TRIM13: variants seen among roughly 807,000 people sequenced by gnomAD.
TRIM13 encodes tripartite motif containing 13.
A neutral mutation model predicts 27.1 loss-of-function variants in TRIM13; 15 were observed. The ratio of observed to expected loss-of-function variants is 0.55; its 90% CI spans 0.37 to 0.85. TRIM13 has a LOEUF of 0.85. Ranked by LOEUF, TRIM13 falls within the 40% of genes least tolerant of loss-of-function variation. The pLI is 0.00. For missense variants in TRIM13, 402 were observed against 472.2 expected (o/e 0.85, Z 1.38); for synonymous variants, 193 against 171.5 (o/e 1.13, Z -0.98).
intron 1 of TRIM13, among the ~76,000 whole-genome samples, chr13:50,003,899 G>T (rs575406126): frequency 1.2e-4 from 19 of 152,226 alleles, no homozygotes; most frequent in Admixed American, 1.1e-3. Context: ...ACTTTTTTCC[G>T]CAACTAGTGT....
chr13:50,005,740 G>GTT (rs372855203), intron 1 of TRIM13, among the ~76,000 whole-genome samples: 27 of 137,892 alleles, frequency 2.0e-4, no homozygotes, highest in Non-Finnish European at 3.0e-4. Context: ...GAAATATTTA[G>GTT]TTTTTTTTTT....
At chr13:50,001,881 A>G (rs1392854239) in intron 1 of TRIM13, among the ~76,000 whole-genome samples, 1 of 152,198 alleles carries the variant, frequency 6.6e-6, no homozygotes, top group African/African-American at 2.4e-5. Context: ...AAGAATGAAG[A>G]GTAATAACAC....
rs1267312616 is a variant in TRIM13 at position 49,997,458 on chromosome 13, CGCGCCGCCAGCGTTTGGTTGCATG to C, written c.-305_-282del. ...GACGGGTGTGGGCCTTAGGTTACAG[CGCGCCGCCAGCGTTTGGTTGCATG>C]GCGCCGGGGGAGGGCGCCCTAACCG... On this transcript the variant is annotated 5_prime_UTR_variant, in exon 1 of 2. It removes an upstream start codon present in the reference 5' UTR. Coordinates refer to ENST00000378182, the MANE Select transcript of TRIM13 (RefSeq NM_213590.3). 1 of 152,178 alleles carries C rather than the reference CGCGCCGCCAGCGTTTGGTTGCATG, an allele frequency of 6.6e-6. No individual in the cohort carries two copies. Among genetic ancestry groups the C allele is most frequent in the African/African-American group, 2.4e-5 (1 of 41,410 alleles). 9.4% of individuals were successfully genotyped at this position (152,178 alleles called of 1,614,324 possible). A position where few individuals can be genotyped will look rare whatever the true frequency, so the allele number is the denominator to read the frequency against.
Position 50,016,110 on chromosome 13 carries a change from TTG to T in TRIM13, c.*2949_*2950del. On this transcript the variant is annotated 3_prime_UTR_variant, in exon 2 of 2. Transcript: ENST00000378182. ...TGCAGTATTTCTCTTGTATACCAGT[TTG>T]TGATGTTTTCTCTAAAAACTTGAAG... The T allele has an allele frequency of 6.9e-7, 1 of 1,442,142 alleles. No individual in the cohort carries two copies. The highest frequency in any genetic ancestry group is 1.4e-5 in the African/African-American group (1 of 70,968). The allele number at this position is 1,442,142 out of a possible 1,614,324, so 89.3% of individuals were successfully genotyped here.
At chr13:50,009,736 C>CAAAAAAAAAAA (rs35561642) in intron 1 of TRIM13, among the ~76,000 whole-genome samples, 3 of 101,196 alleles carry the variant, frequency 3.0e-5, no homozygotes, top group Non-Finnish European at 3.7e-5. Context: ...GACTCCGTCT[C>CAAAAAAAAAAA]AAAAAAAAAA....
rs1278063599 is a variant in TRIM13 at position 50,015,221 on chromosome 13, T to A, written c.*2057T>A. The A allele has an allele frequency of 4.2e-6, 1 of 239,334 alleles. No individual in the cohort carries two copies. The highest frequency in any genetic ancestry group is 8.5e-6 in the Non-Finnish European group (1 of 118,046). The allele number at this position is 239,334 out of a possible 1,614,324, so 14.8% of individuals were successfully genotyped here. ...AAAGGGATCTATTTGATGTCTATCT[T>A]CAGATATATTGGCAGTTTTCCTTAA... On this transcript the variant is annotated 3_prime_UTR_variant, in exon 2 of 2. Transcript: ENST00000378182.
In TRIM13 at chr13:50,016,268, T is replaced by C. The variant is rs1219819569; in HGVS notation, c.*3104T>C. The stretch of plus-strand genomic sequence containing the variant: ...ATACTTTTTAGAGTGAAAGGGGCTA[T>C]TATTAGGTGGGACAAAAGGAATAAA... On this transcript the variant is annotated 3_prime_UTR_variant, in exon 2 of 2. Transcript: ENST00000378182. The C allele has an allele frequency of 9.3e-6, 5 of 540,424 alleles. No homozygotes were observed. Among genetic ancestry groups the C allele is most frequent in the Admixed American group, 3.4e-5 (1 of 29,146 alleles). 33.5% of individuals were successfully genotyped at this position (540,424 alleles called of 1,614,324 possible).
In TRIM13 at chr13:50,016,863, C is replaced by CT. The variant is rs34862097; in HGVS notation, c.*3715dup. ...CTTTATTGGTATCATTTAAAATATA[C>CT]TTTTTTTTTTTTTTTTGGTAAAGGT... On this transcript the variant is annotated 3_prime_UTR_variant, in exon 2 of 2. Coordinates refer to ENST00000378182, the MANE Select transcript of TRIM13 (RefSeq NM_213590.3). The CT allele has an allele frequency of 4.5e-4, 67 of 149,450 alleles. No homozygotes were observed. The highest frequency in any genetic ancestry group is 4.6e-4 in the South Asian group (2 of 4,302). The allele number at this position is 149,450 out of a possible 1,614,324, so 9.3% of individuals were successfully genotyped here. A position where few individuals can be genotyped will look rare whatever the true frequency, so the allele number is the denominator to read the frequency against.
intron 1 of TRIM13, among the ~76,000 whole-genome samples, chr13:50,010,542 T>C (rs1875503258): frequency 6.6e-6 from 1 of 152,210 alleles, no homozygotes; most frequent in Non-Finnish European, 1.5e-5. Flanking sequence ...GATCTCCAAA[T>C]ATTGACACAT....
rs1441901312 is a variant in TRIM13 at position 50,015,655 on chromosome 13, T to C, written c.*2491T>C. 6.2e-7 allele frequency: 1 copy of C among 1,614,150 alleles called. No individual in the cohort carries two copies. Among genetic ancestry groups the C allele is most frequent in the Non-Finnish European group, 8.5e-7 (1 of 1,179,994 alleles). ...GTGGCCAGATTTTTGTAGACAGAGA[T>C]GGTGATTTGTTTAGTTTCATCTTAG... On this transcript the variant is annotated 3_prime_UTR_variant, in exon 2 of 2. Coordinates refer to ENST00000378182, the MANE Select transcript of TRIM13 (RefSeq NM_213590.3).
chr13:50,005,367 G>A (rs1345447985), intron 1 of TRIM13, among the ~76,000 whole-genome samples: 1 of 152,002 alleles, frequency 6.6e-6, no homozygotes, highest in Non-Finnish European at 1.5e-5. Context: ...CTTAGAGAAA[G>A]TTTTGATTAT....
chr13:50,002,386 CA>C (rs1566432745), intron 1 of TRIM13, among the ~76,000 whole-genome samples: 31 of 149,296 alleles, frequency 2.1e-4, no homozygotes, highest in Non-Finnish European at 3.6e-4. Context: ...AAGACTGTCT[CA>C]AAAAAACAAA....
chr13:50,006,241 G>T (rs1471009069), intron 1 of TRIM13, among the ~76,000 whole-genome samples: 1 of 151,918 alleles, frequency 6.6e-6, no homozygotes, highest in Non-Finnish European at 1.5e-5. Context: ...GTTTTCCTGT[G>T]TGTGACATTT....
rs1439004728 is a variant in TRIM13, at chr13:50,013,381, A to G, written c.*217A>G. The stretch of plus-strand genomic sequence containing the variant: ...TTTTTGTTTAAAAGAGTGCTTTTGA[A>G]ATAAGCATCCACCCCAAATGTTGGT... On this transcript the variant is annotated 3_prime_UTR_variant, in exon 2 of 2. Coordinates refer to ENST00000378182, the MANE Select transcript of TRIM13 (RefSeq NM_213590.3). 1 of 417,534 alleles carries G rather than the reference A, an allele frequency of 2.4e-6. No individual in the cohort carries two copies. The highest frequency in any genetic ancestry group is 4.4e-6 in the Non-Finnish European group (1 of 229,728). 25.9% of individuals were successfully genotyped at this position (417,534 alleles called of 1,614,324 possible).
At chr13:50,005,733 A>G (rs1874612786) in intron 1 of TRIM13, among the ~76,000 whole-genome samples, 1 of 151,036 alleles carries the variant, frequency 6.6e-6, no homozygotes, top group Non-Finnish European at 1.5e-5. Context: ...AGAAAAGGAA[A>G]TATTTAGTTT....
intron 1 of TRIM13, among the ~76,000 whole-genome samples, chr13:50,010,589 TCA>T (rs925082125): frequency 1.1e-4 from 17 of 152,212 alleles, no homozygotes; most frequent in African/African-American, 4.1e-4. Flanking sequence ...CAGAAAATCC[TCA>T]CATTCATTAA....
chr13:50,011,950 C>T lies in TRIM13; in HGVS notation c.10C>T (p.Leu4Phe), dbSNP rs949957268. The T allele has an allele frequency of 1.8e-5, 29 of 1,606,898 alleles. No individual in the cohort carries two copies. The highest frequency in any genetic ancestry group is 2.5e-5 in the Non-Finnish European group (29 of 1,175,974). ...TTTCTGGTAGGATGTGATGGAGCTG[C>T]TTGAAGAAGATCTCACATGCCCTAT... is the stretch of plus-strand genomic sequence containing the variant. MEL[L>F]EEDLTCPICC... Residue 4 changes from leucine to phenylalanine, a missense_variant, in exon 2 of 2, where the codon CTT becomes TTT. By Grantham distance (22) the Leu-to-Phe change is conservative. This residue lies in a region of TRIM13 where 202 missense variants were observed against 277.5 expected (regional missense o/e 0.73). Transcript: ENST00000378182.
chr13:50,014,649 C>T lies in TRIM13; in HGVS notation c.*1485C>T, dbSNP rs1030644458. ...TCTGCTCACAAGAGATAAAGATACC[C>T]TCTCATGGAATAAACACCTTGCTTA... On this transcript the variant is annotated 3_prime_UTR_variant, in exon 2 of 2. Transcript: ENST00000378182. 4.2e-5 allele frequency: 7 copies of T among 166,668 alleles called. No individual in the cohort carries two copies. Among genetic ancestry groups the T allele is most frequent in the Non-Finnish European group, 1.0e-4 (7 of 68,046 alleles). 10.3% of individuals were successfully genotyped at this position (166,668 alleles called of 1,614,324 possible). A position where few individuals can be genotyped will look rare whatever the true frequency, so the allele number is the denominator to read the frequency against.
At chr13:50,003,247 G>C (rs966077183) in intron 1 of TRIM13, among the ~76,000 whole-genome samples, 3 of 152,068 alleles carry the variant, frequency 2.0e-5, no homozygotes, top group Admixed American at 6.6e-5. Flanking sequence ...GTACTGTTTT[G>C]AAATTCTTGC....
Sources: gnomAD v4.1 joint callset for allele counts (sites outside exome capture counted in the v4.1 genomes callset) on GRCh38, gnomAD v4.1.1 for gene constraint, gnomAD v4.1.1 regional missense constraint, MANE v1.5 for transcripts, NCBI Gene and HGNC (gene_info 2026-07-23, HGNC 2026-07-21) for gene names.